Variants in TFDP2 observed in about 807,000 individuals in gnomAD.
The protein encoded by TFDP2 is transcription factor Dp-2, also known as transcription factor Dp-2 (E2F dimerization partner 2).
TFDP2 carries 17 observed loss-of-function variants against 59.3 expected under a neutral mutation model. The ratio of observed to expected loss-of-function variants is 0.29; its 90% CI spans 0.20 to 0.43. The LOEUF (loss-of-function observed/expected upper bound fraction) is 0.43, where lower values mean the gene tolerates loss of function less well. Ranked by LOEUF, TFDP2 falls within the 20% of genes least tolerant of loss-of-function variation. The pLI, the probability that TFDP2 is intolerant of heterozygous loss-of-function variation, is 1.00. For synonymous variants in TFDP2, 180 were observed against 194.7 expected, an observed-to-expected ratio of 0.92 and a Z score of 0.63; for missense variants, 391 against 528.8, an observed-to-expected ratio of 0.74 and a Z score of 2.56.
chr3:142,023,122 C>CAAAAAAAAAAAAAAAA (rs765096570), intron 3 of TFDP2, among the ~76,000 whole-genome samples: 13 of 59,580 alleles, frequency 2.2e-4, no homozygotes, highest in Non-Finnish European at 3.0e-4. Context: ...CCCTCCGTCT[C>CAAAAAAAAAAAAAAAA]AAAAAAAAAA....
At chr3:142,045,142 AGAATCTC>A (rs1947264841) in intron 3 of TFDP2, among the ~76,000 whole-genome samples, 1 of 150,418 alleles carries the variant, frequency 6.6e-6, no homozygotes, top group Non-Finnish European at 1.5e-5. Flanking sequence ...TTTATTTTGC[AGAATCTC>A]TTTCCTTTTT....
chr3:142,087,739 C>A (rs2060850243), intron 3 of TFDP2, among the ~76,000 whole-genome samples: 1 of 152,120 alleles, frequency 6.6e-6, no homozygotes, highest in Non-Finnish European at 1.5e-5. Flanking sequence ...TGAGCTCAAG[C>A]AATCCACCCC....
intron 8 of TFDP2, among the ~76,000 whole-genome samples, chr3:141,973,123 A>ATTTTTTTTTTTTTT (rs761950988): frequency 1.7e-5 from 1 of 58,030 alleles, no homozygotes; most frequent in Non-Finnish European, 3.7e-5. Flanking sequence ...ATATATATAT[A>ATTTTTTTTTTTTTT]TTTTTTTTTT....
rs1559936817 is a variant in TFDP2, at chr3:141,968,381, C to CATATATATAACATATATA, written c.732+1691_732+1692insTATATATGTTATATATAT. Among the ~76,000 whole-genome samples, 68 of 90,526 alleles carry CATATATATAACATATATA rather than the reference C, an allele frequency of 7.5e-4. 5 individuals carry two copies. The highest frequency in any genetic ancestry group is 2.9e-3 in the African/African-American group (60 of 20,782). The allele number at this position is 90,526 out of a possible 152,430, so 59.4% of individuals were successfully genotyped here. ...CATATATCTCATATATAACATATAT[C>CATATATATAACATATATA]TCATATATATAACATATATATCATA... On this transcript the variant is annotated intron_variant, in intron 9 of 12. Transcript: ENST00000489671.
chr3:142,048,747 G>A (rs1947470114), intron 3 of TFDP2, among the ~76,000 whole-genome samples: 1 of 151,942 alleles, frequency 6.6e-6, no homozygotes, highest in Admixed American at 6.6e-5. Context: ...TAATTTTTTT[G>A]TAGAGACAAT....
chr3:141,993,534 T>C lies in TFDP2; in HGVS notation c.356+4A>G. The C allele has an allele frequency of 6.4e-7, 1 of 1,574,204 alleles. No homozygotes were observed. The highest frequency in any genetic ancestry group is 8.7e-7 in the Non-Finnish European group (1 of 1,153,766). On this transcript the variant is annotated splice_donor_region_variant and intron_variant, in intron 6 of 12. Transcript: ENST00000489671. ...CCAAACAAAATAGTTAGACTTATAC[T>C]CACCTTTCTGAAAAATCAGAGTCTA...
At chr3:142,144,844 C>T (rs905969399) in intron 1 of TFDP2, among the ~76,000 whole-genome samples, 7 of 152,266 alleles carry the variant, frequency 4.6e-5, no homozygotes, top group Non-Finnish European at 4.4e-5. Flanking sequence ...CTCCCAGAAA[C>T]GACTTTTAAA....
chr3:142,001,148 C>A (rs1447788598), intron 4 of TFDP2, among the ~76,000 whole-genome samples: 1 of 152,226 alleles, frequency 6.6e-6, no homozygotes, highest in African/African-American at 2.4e-5. Flanking sequence ...CTGCCAGGAT[C>A]TGCTAAGGCT....
chr3:141,997,478 T>C lies in TFDP2; in HGVS notation c.187-2337A>G, dbSNP rs146279555. Among the ~76,000 whole-genome samples the C allele has an allele frequency of 2.3e-3, 352 of 152,188 alleles. 5 individuals carry two copies. The highest frequency in any genetic ancestry group is 7.9e-3 in the African/African-American group (328 of 41,538). On this transcript the variant is annotated intron_variant, in intron 4 of 12. Transcript: ENST00000489671. ...CATTCCAATTTACCCTTGAAACAGA[T>C]TGTATTACTACTGCAGTATTTCTAT...
intron 3 of TFDP2, among the ~76,000 whole-genome samples, chr3:142,034,091 T>C (rs1436434860): frequency 1.1e-3 from 7 of 6,216 alleles, no homozygotes; most frequent in African/African-American, 2.4e-3. Context: ...TTGCACCAAC[T>C]TTTTTTTTTT....
At chr3:141,989,313 T>C (rs1942487604) in intron 6 of TFDP2, 1 of 152,268 alleles carries the variant, frequency 6.6e-6, no homozygotes, top group African/African-American at 2.4e-5. Context: ...TCTCTGGATG[T>C]GAGTGGGCCA....
intron 11 of TFDP2, among the ~76,000 whole-genome samples, chr3:141,956,226 T>C (rs1936612234): frequency 6.6e-6 from 1 of 152,218 alleles, no homozygotes; most frequent in South Asian, 2.1e-4. Flanking sequence ...ATAGTGCTTC[T>C]GTTTTCAAGT....
At position 141,952,696 on chromosome 3, in the gene TFDP2, A is replaced by G. The variant is rs759416013; in HGVS notation, c.1158T>C (p.Ser386=). Residue 386 remains serine (S), a splice_region_variant and synonymous_variant, in exon 13 of 13, where the codon AGT becomes AGC. Coordinates refer to ENST00000489671, the MANE Select transcript of TFDP2 (RefSeq NM_001178139.2). The stretch of plus-strand genomic sequence containing the variant: ...CATCCAAGCATAACCCTTGGTTTAC[A>G]CTAGCAAACAATTAAAAACACACAG... ...LTTGATLPQS[S]VNQGLCLDAE... 3 of 1,608,884 alleles carry G rather than the reference A, an allele frequency of 1.9e-6. No homozygotes were observed. Among genetic ancestry groups the G allele is most frequent in the South Asian group, 2.2e-5 (2 of 89,818 alleles).
chr3:141,958,294 T>C (rs1459141018), intron 11 of TFDP2, among the ~76,000 whole-genome samples: 1 of 152,140 alleles, frequency 6.6e-6, no homozygotes, highest in Admixed American at 6.5e-5. Context: ...ATAATGGAAT[T>C]TTACACAGGA....
chr3:142,055,360 C>A (rs146688387), intron 3 of TFDP2, among the ~76,000 whole-genome samples: 2 of 152,292 alleles, frequency 1.3e-5, no homozygotes, highest in Non-Finnish European at 1.5e-5. Context: ...GAATCACTCA[C>A]GGGACATATG....
At chr3:141,992,053 A>G (rs1417037669) in intron 6 of TFDP2, among the ~76,000 whole-genome samples, 3 of 149,004 alleles carry the variant, frequency 2.0e-5, no homozygotes, top group South Asian at 4.2e-4. Flanking sequence ...AAAAAAAAAA[A>G]AAAGAAAGAA....
intron 6 of TFDP2, among the ~76,000 whole-genome samples, chr3:141,986,788 TC>T (rs1388467768): frequency 2.0e-5 from 3 of 152,210 alleles, no homozygotes; most frequent in Non-Finnish European, 2.9e-5. Flanking sequence ...TCTAGATGCT[TC>T]ATATCCTTGC....
At chr3:142,033,875 T>C (rs1946549611) in intron 3 of TFDP2, among the ~76,000 whole-genome samples, 1 of 152,178 alleles carries the variant, frequency 6.6e-6, no homozygotes, top group African/African-American at 2.4e-5. Context: ...AAAGGGTCTT[T>C]TGTAGGCAAC....
rs922349334 is a variant in TFDP2 at position 141,948,688 on chromosome 3, C to T, written c.*3825G>A. 1 of 152,082 alleles carries T rather than the reference C, an allele frequency of 6.6e-6. No individual in the cohort carries two copies. The highest frequency in any genetic ancestry group is 2.4e-5 in the African/African-American group (1 of 41,390). 9.4% of individuals were successfully genotyped at this position (152,082 alleles called of 1,614,324 possible). A position where few individuals can be genotyped will look rare whatever the true frequency, so the allele number is the denominator to read the frequency against. ...TGTGTGCTGGAGGGAGCCTAAGTCA[C>T]ATTTATACTTGGAGCAACTCTGCTG... On this transcript the variant is annotated 3_prime_UTR_variant, in exon 13 of 13. Transcript: ENST00000489671.
Sources: gnomAD v4.1 joint callset for allele counts (sites outside exome capture counted in the v4.1 genomes callset) on GRCh38, gnomAD v4.1.1 for gene constraint, MANE v1.5 for transcripts, NCBI Gene and HGNC (gene_info 2026-07-23, HGNC 2026-07-21) for gene names.